Variants in ANKDD1B observed in about 807,000 individuals in gnomAD.
ANKDD1B encodes ankyrin repeat and death domain-containing protein 1B.
In ANKDD1B, 57 loss-of-function variants were observed where a neutral mutation model predicts 59.7. The observed-to-expected ratio is 0.95, with a 90% CI of 0.77 to 1.19. ANKDD1B has a LOEUF of 1.19. ANKDD1B is among the 50% of genes most tolerant of loss of function. The pLI is 0.00. For missense variants in ANKDD1B, 602 were observed against 641.9 expected, an observed-to-expected ratio of 0.94 and a Z score of 0.67; for synonymous variants, 216 against 239.5, an observed-to-expected ratio of 0.90 and a Z score of 0.91.
chr5:75,630,992 T>C (rs990273824), intron 5 of ANKDD1B, among the ~76,000 whole-genome samples: 3 of 152,222 alleles, frequency 2.0e-5, no homozygotes, highest in African/African-American at 7.2e-5. Flanking sequence ...ACCTGAATCA[T>C]ATGCCCAATC....
intron 11 of ANKDD1B, among the ~76,000 whole-genome samples, chr5:75,665,236 C>T (rs114155404): frequency 6.6e-6 from 1 of 152,218 alleles, no homozygotes; most frequent in Non-Finnish European, 1.5e-5. Flanking sequence ...TGAAAAAGAC[C>T]TAGGCTTTCC....
intron 7 of ANKDD1B, among the ~76,000 whole-genome samples, chr5:75,641,677 C>A (rs1015725934): frequency 6.6e-6 from 1 of 152,126 alleles, no homozygotes; most frequent in Non-Finnish European, 1.5e-5. Flanking sequence ...AATTTCTTTT[C>A]AACAAGTACA....
chr5:75,652,923 T>C (rs537130931), intron 7 of ANKDD1B, among the ~76,000 whole-genome samples: 2 of 152,338 alleles, frequency 1.3e-5, no homozygotes, highest in East Asian at 1.9e-4. Flanking sequence ...CATAGTAACA[T>C]AGTAACATAG....
At chr5:75,651,353 ATTGACT>A (rs1451537115) in intron 7 of ANKDD1B, among the ~76,000 whole-genome samples, 2 of 152,216 alleles carry the variant, frequency 1.3e-5, no homozygotes, top group African/African-American at 4.8e-5. Context: ...CAACCAATTC[ATTGACT>A]TTGTATTATT....
chr5:75,663,521 C>A, intron 11 of ANKDD1B, 32 bp downstream of exon 11: 1 of 1,498,070 alleles, frequency 6.7e-7, no homozygotes, highest in Non-Finnish European at 9.0e-7. Context: ...ACAGCAGGGG[C>A]TTTCCTGGCA....
rs112912188 is a variant in ANKDD1B at position 75,653,177 on chromosome 5, C to G, written c.834C>G (p.Asn278Lys). 6.3e-4 allele frequency: 962 copies of G among 1,536,074 alleles called. 4 individuals are homozygous for G. In the Middle Eastern group the frequency reaches 0.01, roughly 17 times the overall value. ...NISSLQIATR[N>K]GHASLVNFLL... The stretch of plus-strand genomic sequence containing the variant: ...GTAGTTTGCAGATAGCAACCAGGAA[C>G]GGCCATGCATCCCTTGTCAACTTTC... The change falls in exon 8 of 14, where the codon AAC (asparagine) becomes AAG (lysine). Residue 278 changes from asparagine to lysine, a missense_variant. This residue lies in a region of ANKDD1B where 280 missense variants were observed against 319.8 expected (regional missense o/e 0.88). Coordinates refer to ENST00000601380, the MANE Select transcript of ANKDD1B (RefSeq NM_001276713.2).
At chr5:75,653,644 A>G (rs1774887554) in intron 8 of ANKDD1B, among the ~76,000 whole-genome samples, 1 of 152,174 alleles carries the variant, frequency 6.6e-6, no homozygotes, top group South Asian at 2.1e-4. Context: ...TTGAAAGTCA[A>G]TTCTTCATAC....
chr5:75,640,806 T>G (rs1405744457), intron 7 of ANKDD1B, among the ~76,000 whole-genome samples: 1 of 152,240 alleles, frequency 6.6e-6, no homozygotes, highest in East Asian at 1.9e-4. Context: ...TACTTTAGAA[T>G]TAATATTTAT....
In ANKDD1B at chr5:75,620,295, CAT is replaced by C; in HGVS notation, c.298-18_298-17del. The C allele has an allele frequency of 7.4e-7, 1 of 1,359,732 alleles. No homozygotes were observed. The highest frequency in any genetic ancestry group is 1.0e-6 in the Non-Finnish European group (1 of 997,144). The allele number at this position is 1,359,732 out of a possible 1,614,324, so 84.2% of individuals were successfully genotyped here. Reference sequence around the variant, plus strand: ...TGAATAATGATCAGATGACTAAAAACATAAATTATGCTTCCTCAGATGAACCG... The same window carrying C: ...TGAATAATGATCAGATGACTAAAAACAAATTATGCTTCCTCAGATGAACCG... On this transcript the variant is annotated intron_variant, in intron 2 of 13. Transcript: ENST00000601380.
chr5:75,633,862 G>T (rs1774228812), intron 5 of ANKDD1B, among the ~76,000 whole-genome samples: 1 of 152,144 alleles, frequency 6.6e-6, no homozygotes, highest in African/African-American at 2.4e-5. Flanking sequence ...ACATTCTTCA[G>T]GTACTGAGTT....
chr5:75,663,187 T>TAAAGGCTTTA (rs1364506021), intron 10 of ANKDD1B, among the ~76,000 whole-genome samples: 1 of 152,214 alleles, frequency 6.6e-6, no homozygotes. Flanking sequence ...GCACAGGTTC[T>TAAAGGCTTTA]AAAGGCTTTA....
chr5:75,658,146 AC>A (rs1775022743), intron 9 of ANKDD1B, among the ~76,000 whole-genome samples: 1 of 152,132 alleles, frequency 6.6e-6, no homozygotes, highest in African/African-American at 2.4e-5. Context: ...ACAGTGAGCT[AC>A]TATCATGCTA....
At chr5:75,642,364 C>G (rs1774494065) in intron 7 of ANKDD1B, among the ~76,000 whole-genome samples, 1 of 150,872 alleles carries the variant, frequency 6.6e-6, no homozygotes, top group Non-Finnish European at 1.5e-5. Context: ...GAGTGCCAGA[C>G]AGTGGGCGCA....
intron 1 of ANKDD1B, among the ~76,000 whole-genome samples, chr5:75,616,576 TG>T (rs1773722919): frequency 6.6e-6 from 1 of 152,194 alleles, no homozygotes; most frequent in South Asian, 2.1e-4. Context: ...ATGTTTTGTT[TG>T]GGGCCAGGAA....
intron 3 of ANKDD1B, 51 bp downstream of exon 3, chr5:75,620,464 G>T (rs760233675): frequency 5.6e-5 from 54 of 957,182 alleles, no homozygotes; most frequent in Non-Finnish European, 7.7e-5. Context: ...TGTACAGGGA[G>T]AATCTGATCA....
At chr5:75,670,941 A>G in intron 13 of ANKDD1B, 38 bp from the exon 14 acceptor site, 1 of 936,946 alleles carries the variant, frequency 1.1e-6, no homozygotes. Context: ...TGCTTTAAAA[A>G]TTTTAGGTAT....
intron 7 of ANKDD1B, among the ~76,000 whole-genome samples, chr5:75,637,020 G>A (rs1438141633): frequency 2.0e-5 from 3 of 151,894 alleles, no homozygotes; most frequent in African/African-American, 7.3e-5. Flanking sequence ...GCCGAGGTAG[G>A]CGGATCATCT....
chr5:75,618,119 AGAAAG>A (rs1468797233), intron 2 of ANKDD1B, among the ~76,000 whole-genome samples: 1 of 152,176 alleles, frequency 6.6e-6, no homozygotes, highest in Non-Finnish European at 1.5e-5. Flanking sequence ...AGAAAAAAAA[AGAAAG>A]GAATCAAGAA....
In ANKDD1B at chr5:75,637,170, G is replaced by T. The variant is rs539306130; in HGVS notation, c.798+1288G>T. Among the ~76,000 whole-genome samples the T allele has an allele frequency of 1.2e-3, 165 of 142,428 alleles. 1 individual carries two copies. Among genetic ancestry groups the T allele is most frequent in the Non-Finnish European group, 2.0e-3 (137 of 66,938 alleles). The allele number at this position is 142,428 out of a possible 152,430, so 93.4% of individuals were successfully genotyped here. On this transcript the variant is annotated intron_variant, in intron 7 of 13. Transcript: ENST00000601380. ...TGAGGCAGGAGAGTCGCTTGAACCC[G>T]GGAGGCAGAGGTTGCAGTGAGCCCA...
Sources: allele counts gnomAD v4.1 joint callset (sites outside exome capture counted in the v4.1 genomes callset), GRCh38; gene constraint gnomAD v4.1.1; regional missense constraint gnomAD v4.1.1; transcripts MANE v1.5; gene names NCBI Gene and HGNC (gene_info 2026-07-23, HGNC 2026-07-21).